The following CENPP variants were observed in gnomAD, a reference collection of about 807,000 sequenced individuals.
CENPP encodes the protein centromere protein P.
CENPP carries 24 observed loss-of-function variants against 35.6 expected under a neutral mutation model. The observed-to-expected ratio is 0.67, with a 90% CI of 0.49 to 0.95. The LOEUF is 0.95. CENPP is among the 40% of genes least tolerant of loss of function. CENPP has a pLI of 0.00. For missense variants in CENPP, 332 were observed against 345.3 expected (o/e 0.96, Z 0.31); for synonymous variants, 120 against 125.5 (o/e 0.96, Z 0.29).
intron 4 of CENPP, among the ~76,000 whole-genome samples, chr9:92,370,984 C>G (rs542501281): frequency 1.3e-5 from 2 of 151,788 alleles, no homozygotes; most frequent in Admixed American, 1.3e-4. Flanking sequence ...TTGTTTGGGT[C>G]TTCTCTTTTC....
At chr9:92,365,562 C>G (rs1007961451) in intron 4 of CENPP, among the ~76,000 whole-genome samples, 2 of 151,784 alleles carry the variant, frequency 1.3e-5, no homozygotes, top group African/African-American at 4.8e-5. Flanking sequence ...AGGCATCCAC[C>G]ACCACGCCCT....
chr9:92,611,283 A>C, intron 5 of CENPP, 31 bp from the exon 6 acceptor site: 2 of 1,577,342 alleles, frequency 1.3e-6, no homozygotes, highest in Non-Finnish European at 8.7e-7. Context: ...CCACCAGTGG[A>C]TCTGTCTACC....
chr9:92,545,470 C>T (rs1028730181), intron 5 of CENPP, among the ~76,000 whole-genome samples: 2 of 152,200 alleles, frequency 1.3e-5, no homozygotes, highest in African/African-American at 4.8e-5. Context: ...CTCGTCGGGC[C>T]TTAGCTGCCT....
intron 5 of CENPP, among the ~76,000 whole-genome samples, chr9:92,478,493 G>A (rs995242641): frequency 2.6e-5 from 4 of 151,930 alleles, no homozygotes; most frequent in African/African-American, 9.7e-5. Context: ...TCACTTTGTC[G>A]CCCAGGCTGG....
At chr9:92,591,247 G>A (rs887800534) in intron 5 of CENPP, among the ~76,000 whole-genome samples, 19 of 151,902 alleles carry the variant, frequency 1.3e-4, no homozygotes, top group African/African-American at 3.4e-4. Context: ...GTGAAACCCC[G>A]CCTCTACTAA....
chr9:92,365,613 G>A (rs10992319), intron 4 of CENPP, among the ~76,000 whole-genome samples: 61,056 of 150,742 alleles, frequency 0.41, 14,604 homozygotes, highest in African/African-American at 0.66. Context: ...GTTTCACCAC[G>A]TTGGCCAGGT....
intron 5 of CENPP, among the ~76,000 whole-genome samples, chr9:92,533,319 AAAAAAAAAAATATATATATATAT>A (rs1848943407): frequency 9.7e-6 from 1 of 103,512 alleles, no homozygotes; most frequent in African/African-American, 3.8e-5. Flanking sequence ...AAAAAAAAAA[AAAAAAAAAAATATATATATATAT>A]ATATATATAT....
At chr9:92,508,028 T>C (rs1588199350) in intron 5 of CENPP, among the ~76,000 whole-genome samples, 1 of 152,144 alleles carries the variant, frequency 6.6e-6, no homozygotes, top group Non-Finnish European at 1.5e-5. Flanking sequence ...TCCCCCTCTC[T>C]GGAGCTATAA....
At chr9:92,505,680 C>T (rs1846958832) in intron 5 of CENPP, 1 of 1,580,270 alleles carries the variant, frequency 6.3e-7, no homozygotes. Flanking sequence ...AGGTGACCAA[C>T]TGATTTAAGT....
intron 5 of CENPP, among the ~76,000 whole-genome samples, chr9:92,526,777 T>A (rs1305429039): frequency 6.6e-6 from 1 of 151,996 alleles, no homozygotes; most frequent in Non-Finnish European, 1.5e-5. Flanking sequence ...ATTGAAGAAA[T>A]AAAAAAACTT....
At chr9:92,536,160 T>C in intron 5 of CENPP, 1 of 378,878 alleles carries the variant, frequency 2.6e-6, no homozygotes, top group Non-Finnish European at 5.0e-6. Context: ...GGAAAATGGT[T>C]ACCAAGGGAA....
intron 5 of CENPP, among the ~76,000 whole-genome samples, chr9:92,412,975 C>CTTTT (rs35323105): frequency 1.3e-4 from 6 of 45,262 alleles, no homozygotes; most frequent in African/African-American, 5.1e-4. Flanking sequence ...TGTAACTAAG[C>CTTTT]TTTTTTTTTT....
intron 5 of CENPP, chr9:92,415,217 C>G (rs757300666): frequency 1.2e-6 from 2 of 1,613,926 alleles, no homozygotes; most frequent in South Asian, 2.2e-5. Context: ...TCTGGGCTCT[C>G]ATGAGCATTG....
At chr9:92,517,429 A>C (rs1847797647) in intron 5 of CENPP, 1 of 592,856 alleles carries the variant, frequency 1.7e-6, no homozygotes, top group African/African-American at 1.9e-5. Context: ...TCTAAAGCTG[A>C]GAGTCAAATG....
chr9:92,560,140 T>A (rs2131340627), intron 5 of CENPP, among the ~76,000 whole-genome samples: 1 of 152,216 alleles, frequency 6.6e-6, no homozygotes, highest in South Asian at 2.1e-4. Context: ...CCAGACCCTG[T>A]CTCTAAAAGA....
At chr9:92,349,994 A>G (rs1841403263) in intron 4 of CENPP, among the ~76,000 whole-genome samples, 1 of 152,238 alleles carries the variant, frequency 6.6e-6, no homozygotes, top group African/African-American at 2.4e-5. Flanking sequence ...ACCGTTTTCC[A>G]GAATGACCAT....
chr9:92,432,003 T>G (rs2130988569), intron 5 of CENPP, among the ~76,000 whole-genome samples: 1 of 152,332 alleles, frequency 6.6e-6, no homozygotes, highest in Middle Eastern at 3.4e-3. Context: ...TTCTCTTGAA[T>G]TTTTTAGGCA....
At chr9:92,567,378 AT>A (rs1850008637) in intron 5 of CENPP, among the ~76,000 whole-genome samples, 1 of 88,586 alleles carries the variant, frequency 1.1e-5, no homozygotes, top group African/African-American at 6.0e-5. Flanking sequence ...AGATAGATAT[AT>A]ATATATATAT....
intron 5 of CENPP, among the ~76,000 whole-genome samples, chr9:92,527,133 C>T (rs367799522): frequency 6.6e-6 from 1 of 152,104 alleles, no homozygotes; most frequent in Non-Finnish European, 1.5e-5. Flanking sequence ...CTCAGCCTCC[C>T]GAGTAGCTGG....
Sources: allele counts gnomAD v4.1 joint callset (sites outside exome capture counted in the v4.1 genomes callset), GRCh38; gene constraint gnomAD v4.1.1; transcripts MANE v1.5; gene names NCBI Gene and HGNC (gene_info 2026-07-23, HGNC 2026-07-21).